NXPH1: variants seen among roughly 807,000 people sequenced by gnomAD.
The protein encoded by NXPH1 is neurexophilin 1, also known as neurexophilin-1.
In NXPH1, 5 loss-of-function variants were observed where a neutral mutation model predicts 23.7. The ratio of observed to expected loss-of-function variants is 0.21; its 90% confidence interval spans 0.11 to 0.44. NXPH1 has a LOEUF of 0.44. Among genes scored for constraint, NXPH1 ranks in the 20% least tolerant of loss-of-function variants. NXPH1 has a pLI of 0.99. For missense variants in NXPH1, 324 were observed against 321.6 expected (o/e 1.01, Z -0.06); for synonymous variants, 144 against 122.2 (o/e 1.18, Z -1.18).
chr7:8,544,677 A>T (rs1478669738), intron 2 of NXPH1, among the ~76,000 whole-genome samples: 2 of 151,554 alleles, frequency 1.3e-5, no homozygotes, highest in Non-Finnish European at 3.0e-5. Flanking sequence ...TGCTTCTTAA[A>T]AATTTTACTT....
At chr7:8,553,301 A>C (rs1388465026) in intron 2 of NXPH1, among the ~76,000 whole-genome samples, 4 of 150,988 alleles carry the variant, frequency 2.6e-5, no homozygotes, top group African/African-American at 9.7e-5. Context: ...GCTTTTAATG[A>C]AAGTTCCAAT....
intron 2 of NXPH1, among the ~76,000 whole-genome samples, chr7:8,552,335 T>C (rs1315759253): frequency 6.6e-6 from 1 of 151,448 alleles, no homozygotes; most frequent in South Asian, 2.1e-4. Context: ...GAGGTTTCTA[T>C]GTAGCACTTT....
At chr7:8,649,010 T>A (rs1354234100) in intron 2 of NXPH1, among the ~76,000 whole-genome samples, 2 of 145,938 alleles carry the variant, frequency 1.4e-5, no homozygotes, top group Non-Finnish European at 3.0e-5. Flanking sequence ...TTAAGATTGC[T>A]ATTTTACTCT....
intron 2 of NXPH1, among the ~76,000 whole-genome samples, chr7:8,519,415 A>T (rs1336531902): frequency 6.6e-6 from 1 of 152,204 alleles, no homozygotes; most frequent in African/African-American, 2.4e-5. Context: ...TTGATTTAGT[A>T]AAATTTCCTA....
Position 8,751,969 on chromosome 7 carries a change from A to C in NXPH1, c.*200A>C. On this transcript the variant is annotated 3_prime_UTR_variant, in exon 3 of 3. Transcript: ENST00000405863. The surrounding 1 kb of genome is among the most constrained non-coding windows in gnomAD (Gnocchi z 4.5). ...AGCTTCATCCCTCAGTATAATTGTA[A>C]ATCATCACAGATTTTGAATTCACAC... 5.4e-6 allele frequency: 3 copies of C among 553,586 alleles called. No individual in the cohort carries two copies. Among genetic ancestry groups the C allele is most frequent in the Non-Finnish European group, 9.5e-6 (3 of 314,434 alleles). 34.3% of individuals were successfully genotyped at this position (553,586 alleles called of 1,614,324 possible).
chr7:8,460,587 C>CAA (rs1429853320), intron 2 of NXPH1, among the ~76,000 whole-genome samples: 3 of 152,202 alleles, frequency 2.0e-5, no homozygotes, highest in Non-Finnish European at 4.4e-5. Context: ...CTATCTTTTA[C>CAA]ATTTTGCATT....
At chr7:8,486,964 A>G (rs1370163455) in intron 2 of NXPH1, among the ~76,000 whole-genome samples, 1 of 151,796 alleles carries the variant, frequency 6.6e-6, no homozygotes. Flanking sequence ...TCTTTCTTTG[A>G]TTATTAGTTT....
chr7:8,721,447 C>T (rs1403222271), intron 2 of NXPH1, among the ~76,000 whole-genome samples: 1 of 152,138 alleles, frequency 6.6e-6, no homozygotes, highest in Non-Finnish European at 1.5e-5. Flanking sequence ...TCTTTGCAGT[C>T]TATTTAAGAA....
chr7:8,469,385 A>T (rs1311542395), intron 2 of NXPH1, among the ~76,000 whole-genome samples: 1 of 152,110 alleles, frequency 6.6e-6, no homozygotes, highest in African/African-American at 2.4e-5. Flanking sequence ...ATTTACCGCC[A>T]AACACTGTGC....
chr7:8,471,521 A>G (rs1408645774), intron 2 of NXPH1, among the ~76,000 whole-genome samples: 1 of 152,156 alleles, frequency 6.6e-6, no homozygotes, highest in Non-Finnish European at 1.5e-5. Flanking sequence ...AATGGGTTGT[A>G]AATACAACAG....
chr7:8,465,472 G>T (rs958278611), intron 2 of NXPH1, among the ~76,000 whole-genome samples: 2 of 152,132 alleles, frequency 1.3e-5, no homozygotes, highest in African/African-American at 4.8e-5. Context: ...AGTTGGGAAG[G>T]ATTGTATGTG....
intron 2 of NXPH1, among the ~76,000 whole-genome samples, chr7:8,459,702 G>A (rs1200718904): frequency 1.3e-5 from 2 of 152,110 alleles, no homozygotes; most frequent in Non-Finnish European, 2.9e-5. Context: ...CAAAAACATT[G>A]AAATGGAATG....
intron 2 of NXPH1, among the ~76,000 whole-genome samples, chr7:8,482,207 C>T (rs950280149): frequency 6.6e-5 from 10 of 152,154 alleles, no homozygotes; most frequent in African/African-American, 1.4e-4. Context: ...AAAGTGTTTC[C>T]GTGAGCTTTG....
intron 2 of NXPH1, among the ~76,000 whole-genome samples, chr7:8,717,684 A>G (rs1779899264): frequency 6.6e-6 from 1 of 152,184 alleles, no homozygotes; most frequent in African/African-American, 2.4e-5. Flanking sequence ...CTCCCATCTA[A>G]GAGATGCTAG....
chr7:8,603,346 A>G (rs543902139), intron 2 of NXPH1, among the ~76,000 whole-genome samples: 137 of 152,324 alleles, frequency 9.0e-4, no homozygotes, highest in African/African-American at 3.2e-3. Context: ...AAGGTGTATT[A>G]CAGAGTGTTC....
At chr7:8,544,238 A>T (rs529266185) in intron 2 of NXPH1, among the ~76,000 whole-genome samples, 1 of 4,170 alleles carries the variant, frequency 2.4e-4, no homozygotes, top group East Asian at 0.25. Flanking sequence ...TTTGCTGTGG[A>T]TAACTTAGAT....
chr7:8,476,866 C>T (rs963520633), intron 2 of NXPH1, among the ~76,000 whole-genome samples: 1 of 152,072 alleles, frequency 6.6e-6, no homozygotes, highest in Non-Finnish European at 1.5e-5. Context: ...TATTGTTGTA[C>T]TTAAAAATCT....
chr7:8,750,193 G>A (rs924887732), intron 2 of NXPH1, among the ~76,000 whole-genome samples: 3 of 152,116 alleles, frequency 2.0e-5, no homozygotes, highest in Non-Finnish European at 4.4e-5. Context: ...ATGTTATTTT[G>A]TTTTGACCGG....
chr7:8,577,359 C>A (rs1243126089), intron 2 of NXPH1, among the ~76,000 whole-genome samples: 1 of 152,200 alleles, frequency 6.6e-6, no homozygotes, highest in Admixed American at 6.5e-5. Flanking sequence ...TCTTCTCCCA[C>A]TATCACTAAC....
Sources: allele counts gnomAD v4.1 joint callset (sites outside exome capture counted in the v4.1 genomes callset), GRCh38; gene constraint gnomAD v4.1.1; non-coding constraint Gnocchi (gnomAD v3.1); transcripts MANE v1.5; gene names NCBI Gene and HGNC (gene_info 2026-07-23, HGNC 2026-07-21).